ERCC6: variants seen among roughly 807,000 people sequenced by gnomAD.
ERCC6 encodes DNA excision repair protein ERCC-6.
Under a neutral mutation model 158.7 loss-of-function variants are expected in ERCC6, and 116 were observed. That is an observed-to-expected ratio of 0.73 (90% CI 0.63 to 0.85). The LOEUF is 0.85. Among genes scored for constraint, ERCC6 ranks in the 40% least tolerant of loss-of-function variants. The probability of loss-of-function intolerance (pLI) is 0.00; values close to 1 mark genes in which losing one functional copy is unlikely to be tolerated. For missense variants in ERCC6, 1,698 were observed against 1,799.4 expected (o/e 0.94, Z 1.02); for synonymous variants, 678 against 659.3 (o/e 1.03, Z -0.43).
chr10:49,538,195 C>T (rs1052881549), intron 1 of ERCC6, among the ~76,000 whole-genome samples: 5 of 152,200 alleles, frequency 3.3e-5, no homozygotes, highest in African/African-American at 1.2e-4. Flanking sequence ...CACTGGGGCT[C>T]CCGCAGCCAG....
chr10:49,536,951 G>C (rs1193170187), intron 1 of ERCC6, among the ~76,000 whole-genome samples: 1 of 152,176 alleles, frequency 6.6e-6, no homozygotes, highest in East Asian at 1.9e-4. Flanking sequence ...GGTTCAAGAA[G>C]TCACTTAGTA....
rs756023188 is a variant in ERCC6 at position 49,472,990 on chromosome 10, C to T, written c.2748G>A (p.Val916=). 1 of 1,614,106 alleles carries T rather than the reference C, an allele frequency of 6.2e-7. No individual in the cohort carries two copies. Among genetic ancestry groups the T allele is most frequent in the South Asian group, 1.1e-5 (1 of 91,076 alleles). The change falls in exon 15 of 21, where the codon GTG becomes GTA. Residue 916 remains valine (V), a synonymous_variant. Transcript: ENST00000355832. ...CCGTCAGGTTGACACCTAAGCCGCCCACCCGCGTGGTCAGAAGAAACACAA... is the reference window on the plus strand; with the variant it reads ...CCGTCAGGTTGACACCTAAGCCGCCTACCCGCGTGGTCAGAAGAAACACAA... The part of the protein sequence containing the change: ...SIFVFLLTTR[V]GGLGVNLTGA...
At chr10:49,445,086 G>T in the ERCC6 span, among the ~76,000 whole-genome samples, 2 of 152,134 alleles carry the variant, frequency 1.3e-5, no homozygotes, top group South Asian at 4.1e-4. Context: ...AAACCTAGTA[G>T]ATTAAAGAAG....
chr10:49,489,980 A>AT (rs1851144467), intron 8 of ERCC6, among the ~76,000 whole-genome samples: 3 of 152,248 alleles, frequency 2.0e-5, no homozygotes. Context: ...TTTAACAAAT[A>AT]AATATTAATC....
intron 1 of ERCC6, among the ~76,000 whole-genome samples, chr10:49,534,369 G>A (rs1312154152): frequency 6.6e-6 from 1 of 152,154 alleles, no homozygotes; most frequent in Non-Finnish European, 1.5e-5. Flanking sequence ...GCAATTCTAG[G>A]TATTTATTCC....
At chr10:49,537,028 G>A (rs986054815) in intron 1 of ERCC6, among the ~76,000 whole-genome samples, 2 of 152,214 alleles carry the variant, frequency 1.3e-5, no homozygotes, top group African/African-American at 4.8e-5. Context: ...CTCTTATCAG[G>A]TTAAAGAATT....
intron 11 of ERCC6, 58 bp from the exon 12 acceptor site, chr10:49,476,368 TTAAAA>T: frequency 8.4e-7 from 1 of 1,185,322 alleles, no homozygotes; most frequent in Non-Finnish European, 1.2e-6. Flanking sequence ...ACAGAAATAA[TTAAAA>T]TATCAACAAA....
chr10:49,500,445 A>T (rs1851337035), intron 7 of ERCC6, 93 bp downstream of exon 7: 11 of 1,405,556 alleles, frequency 7.8e-6, no homozygotes, highest in Middle Eastern at 2.2e-4. Context: ...TTGAAATGTC[A>T]TCAATAATTC....
At chr10:49,519,321 G>C (rs1837082180) in intron 5 of ERCC6, among the ~76,000 whole-genome samples, 1 of 152,064 alleles carries the variant, frequency 6.6e-6, no homozygotes, top group South Asian at 2.1e-4. Flanking sequence ...TAACTGGAGG[G>C]GCCGTGATTA....
At chr10:49,499,899 G>A (rs948537188) in intron 7 of ERCC6, among the ~76,000 whole-genome samples, 11 of 149,178 alleles carry the variant, frequency 7.4e-5, no homozygotes, top group South Asian at 6.4e-4. Context: ...AGTCACTTAC[G>A]TTTTGGCATT....
the ERCC6 span, among the ~76,000 whole-genome samples, chr10:49,435,956 C>T: frequency 2.0e-5 from 3 of 150,398 alleles, no homozygotes; most frequent in Non-Finnish European, 3.0e-5. Context: ...GAGCCGAGAT[C>T]GTGCCACTGT....
chr10:49,515,427 C>T (rs1476598563), intron 5 of ERCC6: 1 of 1,614,120 alleles, frequency 6.2e-7, no homozygotes. Flanking sequence ...TTCAGCGCAT[C>T]GCGTTTGCTT....
chr10:49,472,547 CTG>C (rs1850799835), intron 15 of ERCC6, 77 bp from the exon 16 acceptor site: 2 of 1,447,870 alleles, frequency 1.4e-6, no homozygotes, highest in Non-Finnish European at 1.9e-6. Context: ...ACAAAGCTAG[CTG>C]GTCACTACCT....
At chr10:49,511,018 A>T (rs1851524245) in intron 5 of ERCC6, among the ~76,000 whole-genome samples, 1 of 152,150 alleles carries the variant, frequency 6.6e-6, no homozygotes, top group African/African-American at 2.4e-5. Flanking sequence ...TAACAAAAAA[A>T]AAAAAAGATA....
intron 5 of ERCC6, among the ~76,000 whole-genome samples, chr10:49,508,416 T>C (rs761993386): frequency 2.0e-5 from 3 of 152,040 alleles, no homozygotes; most frequent in Non-Finnish European, 4.4e-5. Context: ...CCTCCTAAAA[T>C]ATACAGGCAT....
At chr10:49,463,655 G>A (rs192457757) in intron 18 of ERCC6, among the ~76,000 whole-genome samples, 12 of 152,262 alleles carry the variant, frequency 7.9e-5, no homozygotes, top group South Asian at 4.2e-4. Flanking sequence ...CAATTCCCAC[G>A]TGACATGGGA....
the ERCC6 span, among the ~76,000 whole-genome samples, chr10:49,446,276 G>A: frequency 1.3e-5 from 2 of 151,794 alleles, no homozygotes; most frequent in Non-Finnish European, 2.9e-5. Flanking sequence ...TTTACTGTGA[G>A]GGAGAGCCAG....
chr10:49,535,135 G>A (rs1423579213), intron 1 of ERCC6, among the ~76,000 whole-genome samples: 1 of 152,210 alleles, frequency 6.6e-6, no homozygotes, highest in Non-Finnish European at 1.5e-5. Flanking sequence ...TCAGAGCTAA[G>A]TCTAAAATAA....
At chr10:49,479,673 C>T (rs1261932023) in intron 10 of ERCC6, among the ~76,000 whole-genome samples, 1 of 152,158 alleles carries the variant, frequency 6.6e-6, no homozygotes, top group Non-Finnish European at 1.5e-5. Flanking sequence ...AAGAAAACTG[C>T]CCCCACATCC....
Sources: gnomAD v4.1 joint callset for allele counts (sites outside exome capture counted in the v4.1 genomes callset) on GRCh38, gnomAD v4.1.1 for gene constraint, MANE v1.5 for transcripts, NCBI Gene and HGNC (gene_info 2026-07-23, HGNC 2026-07-21) for gene names.